Variants in GRK5 observed in about 807,000 individuals in gnomAD.
GRK5 encodes g protein-coupled receptor kinase GRK5.
In GRK5, 40 loss-of-function variants were observed where a neutral mutation model predicts 78.4. The ratio of observed to expected loss-of-function variants is 0.51; its 90% CI spans 0.40 to 0.66. The LOEUF (loss-of-function observed/expected upper bound fraction) is 0.66, where lower values mean the gene tolerates loss of function less well. Among genes scored for constraint, GRK5 ranks in the 30% least tolerant of loss-of-function variants. The probability of loss-of-function intolerance (pLI) is 0.00; values close to 1 mark genes in which losing one functional copy is unlikely to be tolerated. For synonymous variants in GRK5, 289 were observed against 296.8 expected (o/e 0.97, Z 0.27); for missense variants, 598 against 759.9 (o/e 0.79, Z 2.50).
chr10:119,457,791 ATCC>A lies in GRK5; in HGVS notation c.*2729_*2731del, dbSNP rs1406464626. 6.8e-6 allele frequency: 1 copy of A among 147,904 alleles called. No individual in the cohort carries two copies. Among genetic ancestry groups the A allele is most frequent in the African/African-American group, 2.5e-5 (1 of 39,634 alleles). 9.2% of individuals were successfully genotyped at this position (147,904 alleles called of 1,614,324 possible). A position where few individuals can be genotyped will look rare whatever the true frequency, so the allele number is the denominator to read the frequency against. On this transcript the variant is annotated 3_prime_UTR_variant, in exon 16 of 16. Transcript: ENST00000392870. ...AGCCTCAAACTCCTGAGTCCAAGCT[ATCC>A]TCCTGCCTCAGCCTCCGAGGTAGCT...
chr10:119,450,172 G>T (rs1045284537), intron 13 of GRK5, among the ~76,000 whole-genome samples: 2 of 152,188 alleles, frequency 1.3e-5, no homozygotes, highest in Admixed American at 1.3e-4. Flanking sequence ...TGTGCCATTG[G>T]GCTGATGTCC....
At chr10:119,326,681 A>G in intron 2 of GRK5, 70 bp downstream of exon 2, 1 of 1,192,580 alleles carries the variant, frequency 8.4e-7, no homozygotes, top group Admixed American at 1.7e-5. Flanking sequence ...TTTGTGCATT[A>G]AGGCAAATGG....
rs1851680437 is a variant in GRK5, at chr10:119,379,651, G to A, written c.149-1164G>A. Among the ~76,000 whole-genome samples the A allele has an allele frequency of 6.6e-6, 1 of 152,106 alleles. No homozygotes were observed. Among genetic ancestry groups the A allele is most frequent in the Non-Finnish European group, 1.5e-5 (1 of 68,012 alleles). ...ACGAACTCATCCGACTGTGTCCCGT[G>A]CAGCTGCAACATCGATGGCCTAGTG... On this transcript the variant is annotated intron_variant, in intron 2 of 15. Transcript: ENST00000392870. This position sits in a 1 kb window ranked among gnomAD's most constrained non-coding sequence, Gnocchi z 4.1.
At chr10:119,211,251 A>T (rs533854889) in intron 1 of GRK5, among the ~76,000 whole-genome samples, 1 of 152,354 alleles carries the variant, frequency 6.6e-6, no homozygotes, top group East Asian at 1.9e-4. Context: ...AAAGAAGTTG[A>T]GACTGAATTC....
chr10:119,293,119 T>C (rs1850013261), intron 1 of GRK5, among the ~76,000 whole-genome samples: 3 of 152,234 alleles, frequency 2.0e-5, no homozygotes, highest in South Asian at 4.1e-4. Context: ...ATGTATAAGC[T>C]GTTGTTTAAG....
intron 1 of GRK5, among the ~76,000 whole-genome samples, chr10:119,243,570 T>TTTC (rs375224690): frequency 0.86 from 117,444 of 136,024 alleles, 49,543 homozygotes; most frequent in East Asian, 0.93. Context: ...GTTTTTCTTT[T>TTTC]TTTTTTTTTT....
intron 1 of GRK5, among the ~76,000 whole-genome samples, chr10:119,245,750 G>T (rs959414604): frequency 6.6e-6 from 1 of 152,082 alleles, no homozygotes; most frequent in Non-Finnish European, 1.5e-5. Flanking sequence ...GGGCGCGGTG[G>T]CTCACGCCTG....
chr10:119,301,930 A>G (rs1353731455), intron 1 of GRK5, among the ~76,000 whole-genome samples: 1 of 152,182 alleles, frequency 6.6e-6, no homozygotes, highest in Non-Finnish European at 1.5e-5. Flanking sequence ...TCATTCACTT[A>G]ATGAAATCTT....
At chr10:119,451,473 G>T (rs1853283971) in intron 13 of GRK5, among the ~76,000 whole-genome samples, 1 of 152,100 alleles carries the variant, frequency 6.6e-6, no homozygotes, top group African/African-American at 2.4e-5. Context: ...AGTGCCCTCT[G>T]TTGCCATCTT....
chr10:119,449,497 G>T (rs1386911365), intron 13 of GRK5, among the ~76,000 whole-genome samples: 1 of 152,192 alleles, frequency 6.6e-6, no homozygotes, highest in Non-Finnish European at 1.5e-5. Context: ...AAACACGGGG[G>T]CCACTGAGAA....
chr10:119,223,559 C>A (rs1226281645), intron 1 of GRK5, among the ~76,000 whole-genome samples: 3 of 152,066 alleles, frequency 2.0e-5, no homozygotes, highest in African/African-American at 7.2e-5. Context: ...CCAGACTACT[C>A]TGACCGGGTC....
rs565657265 is a variant in GRK5, at chr10:119,303,555, G to C, written c.53-22961G>C. On this transcript the variant is annotated intron_variant, in intron 1 of 15. Coordinates refer to ENST00000392870, the MANE Select transcript of GRK5 (RefSeq NM_005308.3). ...TGTGGGCCTGGGGCATAGTGGTTGT[G>C]GGGGAGTCACGGGAGGCATTTGGAC... Among the ~76,000 whole-genome samples, 3 of 152,298 alleles carry C rather than the reference G, an allele frequency of 2.0e-5. No individual in the cohort carries two copies. The South Asian group carries it at 6.2e-4, about 32-fold the overall frequency.
At position 119,207,789 on chromosome 10, in the gene GRK5, C is replaced by T. The variant is rs1848409624; in HGVS notation, c.-129C>T. 5.8e-6 allele frequency: 5 copies of T among 856,160 alleles called. No individual in the cohort carries two copies. The highest frequency in any genetic ancestry group is 7.1e-6 in the Non-Finnish European group (4 of 566,254). 53.0% of individuals were successfully genotyped at this position (856,160 alleles called of 1,614,324 possible). On this transcript the variant is annotated 5_prime_UTR_variant, in exon 1 of 16. Coordinates refer to ENST00000392870, the MANE Select transcript of GRK5 (RefSeq NM_005308.3). ...CTGAGAGCAGGAATAATGCGGTAGG[C>T]AAGGCGGGCTGCTGGCTCCCCCGGC...
intron 1 of GRK5, among the ~76,000 whole-genome samples, chr10:119,307,672 A>G (rs1850294581): frequency 6.6e-6 from 1 of 152,136 alleles, no homozygotes; most frequent in African/African-American, 2.4e-5. Flanking sequence ...ACTGTAGGAT[A>G]ATACATTTGT....
At chr10:119,324,012 G>A (rs1038316972) in intron 1 of GRK5, among the ~76,000 whole-genome samples, 2 of 152,210 alleles carry the variant, frequency 1.3e-5, no homozygotes, top group Non-Finnish European at 2.9e-5. Flanking sequence ...GTGACCCTGC[G>A]GGCCTCCGGT....
intron 3 of GRK5, among the ~76,000 whole-genome samples, chr10:119,394,181 G>GGTGTGAGTATCCGT (rs1554916205): frequency 6.6e-4 from 22 of 33,308 alleles, no homozygotes; most frequent in South Asian, 1.0e-3. Context: ...TGTGTGTGTG[G>GGTGTGAGTATCCGT]GTGTCTGTGT....
chr10:119,433,478 G>A (rs1852861571), intron 8 of GRK5, among the ~76,000 whole-genome samples: 1 of 152,092 alleles, frequency 6.6e-6, no homozygotes, highest in African/African-American at 2.4e-5. Context: ...CACGGCCCCG[G>A]CAGGGAGTTC....
At chr10:119,242,562 T>G (rs1013660384) in intron 1 of GRK5, among the ~76,000 whole-genome samples, 1 of 149,524 alleles carries the variant, frequency 6.7e-6, no homozygotes, top group African/African-American at 2.5e-5. Flanking sequence ...CCAAAGCAGG[T>G]GATATGGTTA....
chr10:119,446,823 G>A (rs60469925), intron 12 of GRK5, among the ~76,000 whole-genome samples: 9,046 of 152,256 alleles, frequency 0.059, 471 homozygotes, highest in East Asian at 0.25. Flanking sequence ...AGCCCCAAGA[G>A]GCCAGTCTGG....
Sources: allele counts gnomAD v4.1 joint callset (sites outside exome capture counted in the v4.1 genomes callset), GRCh38; gene constraint gnomAD v4.1.1; non-coding constraint Gnocchi (gnomAD v3.1); transcripts MANE v1.5; gene names NCBI Gene and HGNC (gene_info 2026-07-23, HGNC 2026-07-21).